Variants in ILRUN observed in about 807,000 individuals in gnomAD.
The protein encoded by ILRUN is protein ILRUN.
Under a neutral mutation model 33.8 loss-of-function variants are expected in ILRUN, and 3 were observed. That is an observed-to-expected ratio of 0.09 (90% confidence interval 0.04 to 0.23). ILRUN has a LOEUF of 0.23. ILRUN is among the 10% of genes least tolerant of loss of function. ILRUN has a pLI of 1.00. For missense variants in ILRUN, 210 were observed against 375.1 expected (o/e 0.56, Z 3.64); for synonymous variants, 124 against 138.9 (o/e 0.89, Z 0.75).
chr6:34,665,292 CAA>C (rs60761039), intron 1 of ILRUN, among the ~76,000 whole-genome samples: 15 of 76,430 alleles, frequency 2.0e-4, no homozygotes, highest in South Asian at 1.5e-3. Flanking sequence ...CCCTTTTCTA[CAA>C]AAAAAAAAAA....
chr6:34,659,857 G>T (rs775886842), intron 1 of ILRUN, among the ~76,000 whole-genome samples: 13 of 151,922 alleles, frequency 8.6e-5, no homozygotes, highest in South Asian at 4.2e-4. Flanking sequence ...CCAACCTCAG[G>T]TGATTCACCC....
At chr6:34,660,156 A>T (rs1762859000) in intron 1 of ILRUN, among the ~76,000 whole-genome samples, 1 of 149,892 alleles carries the variant, frequency 6.7e-6, no homozygotes, top group African/African-American at 2.5e-5. Flanking sequence ...AAAAAAAATC[A>T]GCCAGGCATG....
At chr6:34,663,324 G>A (rs1413229410) in intron 1 of ILRUN, among the ~76,000 whole-genome samples, 1 of 152,154 alleles carries the variant, frequency 6.6e-6, no homozygotes, top group Non-Finnish European at 1.5e-5. Context: ...TCAGAAGGCT[G>A]AAGTGGAAAG....
At chr6:34,617,031 C>CT (rs778283700) in intron 3 of ILRUN, 2 of 533,062 alleles carry the variant, frequency 3.8e-6, no homozygotes, top group Non-Finnish European at 7.3e-6. Context: ...ACAGACAACA[C>CT]TTTGATTGCT....
intron 3 of ILRUN, among the ~76,000 whole-genome samples, chr6:34,631,272 G>C (rs570948989): frequency 3.0e-4 from 46 of 151,758 alleles, no homozygotes; most frequent in Admixed American, 2.3e-3. Context: ...CAGTCTTTTG[G>C]TGAACCTACA....
chr6:34,690,655 T>C (rs1198174941), intron 1 of ILRUN, among the ~76,000 whole-genome samples: 1 of 152,142 alleles, frequency 6.6e-6, no homozygotes, highest in Non-Finnish European at 1.5e-5. Flanking sequence ...AAATTTTACA[T>C]AGTTGAAAAC....
At chr6:34,674,240 T>G (rs1025940474) in intron 1 of ILRUN, among the ~76,000 whole-genome samples, 1 of 152,226 alleles carries the variant, frequency 6.6e-6, no homozygotes, top group African/African-American at 2.4e-5. Flanking sequence ...TTGGCCAGGC[T>G]GATCTCAAAC....
intron 3 of ILRUN, among the ~76,000 whole-genome samples, chr6:34,627,341 TTATAGA>T (rs1351839948): frequency 6.6e-6 from 1 of 152,234 alleles, no homozygotes; most frequent in Non-Finnish European, 1.5e-5. Context: ...ATTTTGGCAA[TTATAGA>T]TAAAGTTGCT....
chr6:34,692,267 T>G (rs1241604390), intron 1 of ILRUN, among the ~76,000 whole-genome samples: 1 of 152,178 alleles, frequency 6.6e-6, no homozygotes, highest in East Asian at 1.9e-4. Context: ...CTCAGACAGG[T>G]TTAATTTTAG....
chr6:34,625,452 GC>G (rs1447241491), intron 3 of ILRUN, among the ~76,000 whole-genome samples: 12 of 152,214 alleles, frequency 7.9e-5, no homozygotes, highest in African/African-American at 2.6e-4. Context: ...CAAACCACTC[GC>G]CCACATCTGA....
At chr6:34,665,855 C>T (rs1309354314) in intron 1 of ILRUN, among the ~76,000 whole-genome samples, 1 of 151,788 alleles carries the variant, frequency 6.6e-6, no homozygotes, top group East Asian at 1.9e-4. Flanking sequence ...TTTGCATACA[C>T]TTTTGATTAA....
At chr6:34,666,030 G>C (rs1390757069) in intron 1 of ILRUN, among the ~76,000 whole-genome samples, 1 of 150,584 alleles carries the variant, frequency 6.6e-6, no homozygotes, top group Non-Finnish European at 1.5e-5. Flanking sequence ...ACATCTAAGA[G>C]AAAAATCTAT....
At chr6:34,658,485 TTTTTC>T (rs1469915799) in intron 1 of ILRUN, among the ~76,000 whole-genome samples, 1 of 140,618 alleles carries the variant, frequency 7.1e-6, no homozygotes, top group South Asian at 2.3e-4. Flanking sequence ...ATAATTTTTC[TTTTTC>T]TTTTTTTTTT....
rs576054237 is a variant in ILRUN at position 34,624,730 on chromosome 6, T to A, written c.512-17826A>T. On this transcript the variant is annotated intron_variant, in intron 3 of 4. Transcript: ENST00000374023. The stretch of plus-strand genomic sequence containing the variant: ...TGAGCTTTAACTTCTACAGAGCTAA[T>A]GTGTTAGTTTTGAACAATTAAGAAC... 2.0e-5 allele frequency among the ~76,000 whole-genome samples: 3 copies of A among 152,338 alleles called. No individual in the cohort carries two copies. The South Asian group carries it at 6.2e-4, about 32-fold the overall frequency.
At chr6:34,679,793 A>G (rs371839974) in intron 1 of ILRUN, among the ~76,000 whole-genome samples, 3 of 152,226 alleles carry the variant, frequency 2.0e-5, no homozygotes, top group East Asian at 3.8e-4. Flanking sequence ...TGGTATCCTT[A>G]TAAGGGGAAG....
intron 1 of ILRUN, among the ~76,000 whole-genome samples, chr6:34,666,384 AC>A (rs1388556994): frequency 1.3e-5 from 2 of 151,846 alleles, no homozygotes; most frequent in Non-Finnish European, 2.9e-5. Context: ...ACATGGAGAA[AC>A]CCCCATCTCT....
In ILRUN at chr6:34,673,832, T is replaced by TACACACAC. The variant is rs71000079; in HGVS notation, c.159-19061_159-19054dup. On this transcript the variant is annotated intron_variant, in intron 1 of 4. Transcript: ENST00000374023. ...TGTCTCAAAAACAGTAACAACCACATACACACACACACACACACACACACA... is the reference window on the plus strand; with the variant it reads ...TGTCTCAAAAACAGTAACAACCACATACACACACACACACACACACACACACACACACA... 5.3e-3 allele frequency among the ~76,000 whole-genome samples: 589 copies of TACACACAC among 111,268 alleles called. 38 individuals carry two copies. The highest frequency in any genetic ancestry group is 0.02 in the African/African-American group (561 of 27,770). 73.0% of individuals were successfully genotyped at this position (111,268 alleles called of 152,430 possible). A position where few individuals can be genotyped will look rare whatever the true frequency, so the allele number is the denominator to read the frequency against.
rs544949902 is a variant in ILRUN at position 34,637,965 on chromosome 6, C to T, written c.511+8636G>A. On this transcript the variant is annotated intron_variant, in intron 3 of 4. Transcript: ENST00000374023. ...GCAGTGGAGTGATCTCGGCTCACTG[C>T]AACCTCCGCCTCCCAGGCTCAAGCA... is the stretch of plus-strand genomic sequence containing the variant. Among the ~76,000 whole-genome samples, 109 of 152,078 alleles carry T rather than the reference C, an allele frequency of 7.2e-4. 1 individual carries two copies. Among genetic ancestry groups the T allele is most frequent in the African/African-American group, 2.4e-3 (101 of 41,456 alleles).
rs576571280 is a variant in ILRUN at position 34,614,656 on chromosome 6, CCTT to C, written c.512-7755_512-7753del. Among the ~76,000 whole-genome samples the C allele has an allele frequency of 4.0e-5, 6 of 151,602 alleles. No individual in the cohort carries two copies. The East Asian group carries it at 5.8e-4, about 15-fold the overall frequency. On this transcript the variant is annotated intron_variant, in intron 3 of 4. Transcript: ENST00000374023. ...TAATTCTATACATCTCCCATTCCCT[CCTT>C]GAGAGTGGGCTAGCCTTGTGATTCG... is the stretch of plus-strand genomic sequence containing the variant.
Sources: allele counts gnomAD v4.1 joint callset (sites outside exome capture counted in the v4.1 genomes callset), GRCh38; gene constraint gnomAD v4.1.1; transcripts MANE v1.5; gene names NCBI Gene and HGNC (gene_info 2026-07-23, HGNC 2026-07-21).